Variants in FANCG observed in about 807,000 individuals in gnomAD.
FANCG encodes the protein Fanconi anemia group G protein.
A neutral mutation model predicts 73.3 loss-of-function variants in FANCG; 67 were observed. The observed-to-expected ratio is 0.91, with a 90% CI of 0.75 to 1.12. FANCG has a LOEUF of 1.12. Among genes scored for constraint, FANCG ranks in the 50% most tolerant of loss-of-function variants. FANCG has a pLI of 0.00. For missense variants in FANCG, 643 were observed against 735.6 expected (o/e 0.87, Z 1.46); for synonymous variants, 297 against 311.6 (o/e 0.95, Z 0.49).
rs1458633714 is a variant in FANCG at position 35,079,844 on chromosome 9, T to G, written c.-320A>C. ...ACGAGTCAGCAACCCCAAACAGGCT[T>G]AGGCGGGCTAGAAGCCGGGGTCGTG... On this transcript the variant is annotated 5_prime_UTR_variant, in exon 1 of 14. Coordinates refer to ENST00000378643, the MANE Select transcript of FANCG (RefSeq NM_004629.2). 2 of 458,208 alleles carry G rather than the reference T, an allele frequency of 4.4e-6. No homozygotes were observed. The highest frequency in any genetic ancestry group is 8.2e-6 in the Non-Finnish European group (2 of 245,020). The allele number at this position is 458,208 out of a possible 1,614,324, so 28.4% of individuals were successfully genotyped here.
intron 12 of FANCG, 150 bp from the exon 13 acceptor site, chr9:35,074,644 A>G: frequency 9.3e-7 from 1 of 1,073,160 alleles, no homozygotes; most frequent in South Asian, 1.3e-5. Context: ...AACCATTCCC[A>G]TCCCAGTGTC....
chr9:35,076,034 G>A lies in FANCG; in HGVS notation c.1077-6C>T, dbSNP rs1587140760. 6.2e-7 allele frequency: 1 copy of A among 1,613,922 alleles called. No homozygotes were observed. The highest frequency in any genetic ancestry group is 1.3e-5 in the African/African-American group (1 of 75,048). On this transcript the variant is annotated splice_region_variant and splice_polypyrimidine_tract_variant and intron_variant, in intron 8 of 13. Transcript: ENST00000378643. Reference sequence around the variant, plus strand: ...GCTCTGCAGCGTCTCCTGCCCTGAGGAGTAAAAGCCCATAAGCCTCACCCT... The same window carrying A: ...GCTCTGCAGCGTCTCCTGCCCTGAGAAGTAAAAGCCCATAAGCCTCACCCT...
Position 35,079,231 on chromosome 9 carries a change from T to C in FANCG, c.95A>G (p.Asn32Ser), listed in dbSNP as rs766300479. ...RLVRQAKVAQNSGLTLRRQQL... is the reference protein window; with the variant it reads ...RLVRQAKVAQSSGLTLRRQQL... ...CTGTCGCCTCAGAGTCAGACCGGAG[T>C]TCTGAGCCACCTGCCACATGAGGGA... is the stretch of plus-strand genomic sequence containing the variant. Residue 32 changes from asparagine (N) to serine (S), a missense_variant, in exon 2 of 14, where the codon AAC becomes AGC. By Grantham distance (46) the Asn-to-Ser change is conservative. Transcript: ENST00000378643. 6.2e-7 allele frequency: 1 copy of C among 1,607,436 alleles called. No individual in the cohort carries two copies. Among genetic ancestry groups the C allele is most frequent in the Non-Finnish European group, 8.5e-7 (1 of 1,177,268 alleles).
At chr9:35,077,745 C>A (rs941813030) in intron 4 of FANCG, among the ~76,000 whole-genome samples, 30 of 151,364 alleles carry the variant, frequency 2.0e-4, no homozygotes, top group Non-Finnish European at 2.4e-4. Context: ...AGAGCCCTAT[C>A]CCTATCCAAA....
In FANCG at chr9:35,078,708, G is replaced by A. The variant is rs747190754; in HGVS notation, c.204C>T (p.Pro68=). Residue 68 remains proline, a synonymous_variant, in exon 3 of 14, where the codon CCC becomes CCT. Coordinates refer to ENST00000378643, the MANE Select transcript of FANCG (RefSeq NM_004629.2). ...AGTTGCAGGTGACAGTCAGCTCCAA[G>A]GGAAGAACAGGAACAGCTGCAGGGA... The part of the protein sequence containing the change: ...QGLPAAVPVL[P]LELTVTCNFI... 2.5e-6 allele frequency: 4 copies of A among 1,614,132 alleles called. No individual in the cohort carries two copies. The highest frequency in any genetic ancestry group is 3.4e-6 in the Non-Finnish European group (4 of 1,180,028).
intron 13 of FANCG, 74 bp downstream of exon 13, chr9:35,074,297 C>T (rs1829038096): frequency 3.7e-6 from 6 of 1,613,480 alleles, no homozygotes; most frequent in Non-Finnish European, 5.1e-6. Flanking sequence ...TCAGTGTTCA[C>T]CACCCACAAT....
intron 3 of FANCG, 61 bp from the exon 4 acceptor site, chr9:35,078,404 T>C (rs1356846510): frequency 6.4e-7 from 1 of 1,564,352 alleles, no homozygotes; most frequent in Non-Finnish European, 8.8e-7. Context: ...TCATCCTCCA[T>C]CTCCCCACAC....
At chr9:35,076,700 C>T (rs2131055816) in intron 7 of FANCG, 24 bp downstream of exon 7, 1 of 1,614,246 alleles carries the variant, frequency 6.2e-7, no homozygotes. Context: ...CTCCACCCCA[C>T]ATCTTCACCT....
rs45603633 is a variant in FANCG, at chr9:35,074,888, C to A, written c.1636+39G>T. 3.1e-6 allele frequency: 5 copies of A among 1,613,016 alleles called. No individual in the cohort carries two copies. In the Admixed American group the frequency reaches 5.0e-5, roughly 16 times the overall value. On this transcript the variant is annotated intron_variant, in intron 12 of 13. Coordinates refer to ENST00000378643, the MANE Select transcript of FANCG (RefSeq NM_004629.2). ...TTTCCCATGGGCCTCTCTGTCCTTGCACATCTATGCATAGCCGACGTCATG... is the reference window on the plus strand; with the variant it reads ...TTTCCCATGGGCCTCTCTGTCCTTGAACATCTATGCATAGCCGACGTCATG...
In FANCG at chr9:35,073,912, T is replaced by C. The variant is rs889905535; in HGVS notation, c.*196A>G. 1 of 659,164 alleles carries C rather than the reference T, an allele frequency of 1.5e-6. No individual in the cohort carries two copies. Among genetic ancestry groups the C allele is most frequent in the Non-Finnish European group, 2.8e-6 (1 of 363,040 alleles). 40.8% of individuals were successfully genotyped at this position (659,164 alleles called of 1,614,324 possible). On this transcript the variant is annotated 3_prime_UTR_variant, in exon 14 of 14. Coordinates refer to ENST00000378643, the MANE Select transcript of FANCG (RefSeq NM_004629.2). Reference sequence around the variant, plus strand: ...GGTGCCTCGAGCAAAGTCAATGACTTGGTGGTGGCAGAGATTGTTTCCTCC... The same window carrying C: ...GGTGCCTCGAGCAAAGTCAATGACTCGGTGGTGGCAGAGATTGTTTCCTCC...
intron 5 of FANCG, 63 bp from the exon 6 acceptor site, chr9:35,077,164 A>G (rs2131056843): frequency 1.9e-6 from 3 of 1,613,998 alleles, no homozygotes; most frequent in Non-Finnish European, 2.5e-6. Context: ...ATGGGGAACA[A>G]GGGTCTAAGA....
At position 35,075,971 on chromosome 9, in the gene FANCG, CG is replaced by C; in HGVS notation, c.1133del (p.Ser378TrpfsTer25). Reference sequence around the variant, plus strand: ...TTGAAGACACACCCACCCTTGGCTCCGAGCTATCCAGCAACAGGGCCAGCAG... The same window carrying C: ...TTGAAGACACACCCACCCTTGGCTCCAGCTATCCAGCAACAGGGCCAGCAG... ...LDLLALLLDS[S>X]EPRFSPPPSP... On this transcript the variant is annotated frameshift_variant, in exon 9 of 14. Coordinates refer to ENST00000378643, the MANE Select transcript of FANCG (RefSeq NM_004629.2). LOFTEE classifies it high-confidence loss of function. 6.2e-7 allele frequency: 1 copy of C among 1,614,148 alleles called. No individual in the cohort carries two copies. The highest frequency in any genetic ancestry group is 8.5e-7 in the Non-Finnish European group (1 of 1,180,018).
At chr9:35,078,016 G>T in intron 4 of FANCG, 125 bp downstream of exon 4, 1 of 902,030 alleles carries the variant, frequency 1.1e-6, no homozygotes, top group Middle Eastern at 2.3e-4. Flanking sequence ...GTCCCAGAGA[G>T]AATCCAGGTT....
rs765128443 is a variant in FANCG at position 35,078,784 on chromosome 9, C to T, written c.176-48G>A. On this transcript the variant is annotated intron_variant, in intron 2 of 13. Transcript: ENST00000378643. ...ACAGACTGCTCCCCCATGGAAGATC[C>T]TCCAAATAAAATCCCAACTCAGAGA... The T allele has an allele frequency of 1.1e-5, 18 of 1,612,756 alleles. No homozygotes were observed. The Admixed American group carries it at 2.2e-4, about 19-fold the overall frequency.
chr9:35,077,486 T>A (rs997764557), intron 4 of FANCG, 87 bp from the exon 5 acceptor site: 1 of 1,556,528 alleles, frequency 6.4e-7, no homozygotes, highest in Non-Finnish European at 8.8e-7. Flanking sequence ...GACCTTGAGC[T>A]CAAGGGTCCT....
chr9:35,078,177 G>A lies in FANCG; in HGVS notation c.474C>T (p.Asp158=), dbSNP rs2131058314. Residue 158 remains aspartate (D), a synonymous_variant, in exon 4 of 14, where the codon GAC becomes GAT. Transcript: ENST00000378643. ...TCAGGGTCTCTAGTAACAAGGCCAG[G>A]TCCCCAAGACGGTCAGCACTCAACC... ...ALWLSADRLG[D]LALLLETLNG... is the part of the protein sequence containing the mutation. The A allele has an allele frequency of 6.2e-7, 1 of 1,614,132 alleles. No homozygotes were observed. Among genetic ancestry groups the A allele is most frequent in the Non-Finnish European group, 8.5e-7 (1 of 1,180,026 alleles).
In FANCG at chr9:35,075,558, T is replaced by C. The variant is rs746164729; in HGVS notation, c.1340A>G (p.Tyr447Cys). 2.5e-6 allele frequency: 4 copies of C among 1,613,790 alleles called. No individual in the cohort carries two copies. In the African/African-American group the frequency reaches 5.3e-5, roughly 22 times the overall value. Residue 447 changes from tyrosine to cysteine, a missense_variant, in exon 10 of 14, where the codon TAC becomes TGC. Coordinates refer to ENST00000378643, the MANE Select transcript of FANCG (RefSeq NM_004629.2). ...GGTGGCAGAGACCCAGAGTGGGCAG[T>C]ATGGCAGTTCCTTGGTTCCTTTTCT... ...DARKGTKELP[Y>C]CPLWVSATHL...
intron 8 of FANCG, chr9:35,076,229 G>A (rs1222042363): frequency 1.3e-6 from 1 of 791,418 alleles, no homozygotes; most frequent in Non-Finnish European, 2.2e-6. Context: ...AGACTTCAGA[G>A]TGTCAAAGAT....
At position 35,077,406 on chromosome 9, in the gene FANCG, A is replaced by T; in HGVS notation, c.511-7T>A. On this transcript the variant is annotated splice_region_variant and splice_polypyrimidine_tract_variant and intron_variant, in intron 4 of 13. Coordinates refer to ENST00000378643, the MANE Select transcript of FANCG (RefSeq NM_004629.2). Reference sequence around the variant, plus strand: ...GATCCTTAGAGGCTCCACTCTGGGGAAAGAAGGACAACCAGAAGCTCCAAG... The same window carrying T: ...GATCCTTAGAGGCTCCACTCTGGGGTAAGAAGGACAACCAGAAGCTCCAAG... The T allele has an allele frequency of 6.2e-7, 1 of 1,614,030 alleles. No individual in the cohort carries two copies. Among genetic ancestry groups the T allele is most frequent in the Non-Finnish European group, 8.5e-7 (1 of 1,179,974 alleles).
Sources: gnomAD v4.1 joint callset for allele counts (sites outside exome capture counted in the v4.1 genomes callset) on GRCh38, gnomAD v4.1.1 for gene constraint, MANE v1.5 for transcripts, NCBI Gene and HGNC (gene_info 2026-07-23, HGNC 2026-07-21) for gene names.